EYS: variants seen among roughly 807,000 people sequenced by gnomAD.
EYS encodes the protein protein eyes shut homolog.
In EYS, 250 loss-of-function variants were observed where a neutral mutation model predicts 282.1. The ratio of observed to expected loss-of-function variants is 0.89; its 90% confidence interval spans 0.80 to 0.98. EYS has a LOEUF of 0.98. Among genes scored for constraint, EYS ranks in the 50% least tolerant of loss-of-function variants. The pLI is 0.00. For synonymous variants in EYS, 1,355 were observed against 1,282.9 expected, an observed-to-expected ratio of 1.06 and a Z score of -1.20; for missense variants, 4,016 against 3,709.0, an observed-to-expected ratio of 1.08 and a Z score of -2.15.
chr6:64,799,996 A>G (rs1377543764), intron 22 of EYS, among the ~76,000 whole-genome samples: 3 of 151,994 alleles, frequency 2.0e-5, no homozygotes, highest in Non-Finnish European at 4.4e-5. Context: ...AAAACTCACA[A>G]TATAATCCTT....
intron 2 of EYS, among the ~76,000 whole-genome samples, chr6:65,575,445 A>T (rs953134946): frequency 6.6e-6 from 1 of 151,728 alleles, no homozygotes; most frequent in African/African-American, 2.4e-5. Context: ...TAGCAAAAGT[A>T]TTTCTAAGAA....
intron 29 of EYS, among the ~76,000 whole-genome samples, chr6:64,318,102 A>G (rs748581343): frequency 2.0e-5 from 3 of 151,978 alleles, no homozygotes; most frequent in Non-Finnish European, 4.4e-5. Flanking sequence ...GGGTGGAGAA[A>G]AGCACCATGG....
intron 19 of EYS, among the ~76,000 whole-genome samples, chr6:64,856,238 A>G (rs778270264): frequency 6.6e-6 from 1 of 152,132 alleles, no homozygotes; most frequent in Non-Finnish European, 1.5e-5. Context: ...GAAATAAATG[A>G]GAGTTCCTGT....
At chr6:64,682,956 A>AC (rs1769953687) in intron 22 of EYS, among the ~76,000 whole-genome samples, 1 of 152,036 alleles carries the variant, frequency 6.6e-6, no homozygotes, top group South Asian at 2.1e-4. Context: ...GATACCTAAC[A>AC]CCCCTAAGAA....
chr6:65,066,427 A>G (rs1484829934), intron 12 of EYS, among the ~76,000 whole-genome samples: 1 of 152,212 alleles, frequency 6.6e-6, no homozygotes, highest in East Asian at 1.9e-4. Flanking sequence ...AAATAACAAT[A>G]TGGAAACCCA....
intron 13 of EYS, among the ~76,000 whole-genome samples, chr6:65,013,897 A>C (rs1771959837): frequency 6.6e-6 from 1 of 152,174 alleles, no homozygotes; most frequent in Admixed American, 6.5e-5. Context: ...AAGATATGTG[A>C]ATATGATTGA....
At chr6:65,484,662 T>C (rs1765725057) in intron 5 of EYS, among the ~76,000 whole-genome samples, 1 of 152,184 alleles carries the variant, frequency 6.6e-6, no homozygotes, top group African/African-American at 2.4e-5. Context: ...GCCAGTGAGC[T>C]TGGTCAGTAG....
At chr6:64,744,834 T>C (rs1772500198) in intron 22 of EYS, among the ~76,000 whole-genome samples, 1 of 152,132 alleles carries the variant, frequency 6.6e-6, no homozygotes, top group South Asian at 2.1e-4. Context: ...AAAATAATAT[T>C]TGACAAAAAT....
intron 22 of EYS, among the ~76,000 whole-genome samples, chr6:64,698,132 A>G (rs1463732150): frequency 6.6e-6 from 1 of 152,142 alleles, no homozygotes; most frequent in East Asian, 1.9e-4. Flanking sequence ...AAACATTTTG[A>G]AACAATTGAA....
At chr6:65,657,005 G>A (rs1202599817) in intron 1 of EYS, among the ~76,000 whole-genome samples, 1 of 151,766 alleles carries the variant, frequency 6.6e-6, no homozygotes, top group Non-Finnish European at 1.5e-5. Flanking sequence ...TAAGAATTAT[G>A]TTCAATCTAC....
intron 26 of EYS, among the ~76,000 whole-genome samples, chr6:64,452,764 T>C (rs564603861): frequency 6.6e-6 from 1 of 152,134 alleles, no homozygotes; most frequent in South Asian, 2.1e-4. Context: ...GGGGAAACGA[T>C]CCCCTATTTA....
intron 22 of EYS, among the ~76,000 whole-genome samples, chr6:64,737,676 G>T (rs867289199): frequency 2.6e-5 from 4 of 152,194 alleles, no homozygotes; most frequent in Non-Finnish European, 4.4e-5. Context: ...GAGCAGAGCT[G>T]CTTCCTTTGT....
intron 33 of EYS, among the ~76,000 whole-genome samples, chr6:64,051,890 A>G (rs1438198602): frequency 6.6e-6 from 1 of 152,086 alleles, no homozygotes; most frequent in Non-Finnish European, 1.5e-5. Flanking sequence ...GCCATATGTC[A>G]CCTATAATAA....
chr6:63,843,887 G>A (rs757536051), intron 36 of EYS, among the ~76,000 whole-genome samples: 3 of 152,176 alleles, frequency 2.0e-5, no homozygotes, highest in Non-Finnish European at 4.4e-5. Context: ...TACATGTGCA[G>A]GGTGTGCAGG....
intron 31 of EYS, among the ~76,000 whole-genome samples, chr6:64,128,849 TAAATC>T (rs1773872064): frequency 1.3e-5 from 2 of 152,130 alleles, no homozygotes; most frequent in Admixed American, 6.5e-5. Flanking sequence ...AACAAGGTAA[TAAATC>T]AAATGATTAT....
chr6:64,072,472 G>A (rs894409969), intron 32 of EYS, among the ~76,000 whole-genome samples: 1 of 151,590 alleles, frequency 6.6e-6, no homozygotes, highest in Non-Finnish European at 1.5e-5. Flanking sequence ...CTGAATTTGA[G>A]AGTATAATTA....
intron 31 of EYS, among the ~76,000 whole-genome samples, chr6:64,205,945 A>AT (rs1353897622): frequency 1.3e-5 from 2 of 151,858 alleles, no homozygotes; most frequent in Admixed American, 1.3e-4. Flanking sequence ...AGTATACTCT[A>AT]TTTTTTAGAG....
At chr6:65,118,051 T>C (rs189452346) in intron 12 of EYS, among the ~76,000 whole-genome samples, 2 of 152,146 alleles carry the variant, frequency 1.3e-5, no homozygotes, top group Non-Finnish European at 2.9e-5. Flanking sequence ...AGGATTGTGG[T>C]TGTTGGTGAT....
chr6:64,177,955 C>T (rs1315306675), intron 31 of EYS, among the ~76,000 whole-genome samples: 1 of 152,082 alleles, frequency 6.6e-6, no homozygotes, highest in Non-Finnish European at 1.5e-5. Context: ...ACCCTTGGTC[C>T]AATATGGCTG....
Sources: allele counts gnomAD v4.1 joint callset (sites outside exome capture counted in the v4.1 genomes callset), GRCh38; gene constraint gnomAD v4.1.1; transcripts MANE v1.5; gene names NCBI Gene and HGNC (gene_info 2026-07-23, HGNC 2026-07-21).